The following GOLPH3L variants were observed in gnomAD, a reference collection of about 807,000 sequenced individuals.
GOLPH3L encodes the protein golgi phosphoprotein 3 like.
In GOLPH3L, 22 loss-of-function variants were observed where a neutral mutation model predicts 30.3. That is an observed-to-expected ratio of 0.73 (90% CI 0.52 to 1.04). The LOEUF is 1.04. GOLPH3L is among the 50% of genes least tolerant of loss of function. The probability of loss-of-function intolerance (pLI) is 0.00; values close to 1 mark genes in which losing one functional copy is unlikely to be tolerated. For missense variants in GOLPH3L, 303 were observed against 345.8 expected (o/e 0.88, Z 0.98); for synonymous variants, 120 against 128.2 (o/e 0.94, Z 0.43).
Position 150,648,294 on chromosome 1 carries a change from G to A in GOLPH3L, c.*27C>T. ...TCTCTGACAGTCACCAGCCAGCAGG[G>A]GAAAAGGAGAAATCCACCTGCCGGC... On this transcript the variant is annotated 3_prime_UTR_variant, in exon 5 of 5. Transcript: ENST00000271732. 1 of 1,511,564 alleles carries A rather than the reference G, an allele frequency of 6.6e-7. No individual in the cohort carries two copies. Among genetic ancestry groups the A allele is most frequent in the Non-Finnish European group, 9.0e-7 (1 of 1,108,074 alleles). The allele number at this position is 1,511,564 out of a possible 1,614,324, so 93.6% of individuals were successfully genotyped here. A position where few individuals can be genotyped will look rare whatever the true frequency, so the allele number is the denominator to read the frequency against.
At chr1:150,683,052 A>G (rs587681296) in intron 2 of GOLPH3L, among the ~76,000 whole-genome samples, 1 of 152,330 alleles carries the variant, frequency 6.6e-6, no homozygotes, top group Non-Finnish European at 1.5e-5. Flanking sequence ...GTAGGAAGAT[A>G]AGCGCATCTT....
At chr1:150,684,092 A>ACGC (rs758852276) in intron 2 of GOLPH3L, among the ~76,000 whole-genome samples, 38 of 152,296 alleles carry the variant, frequency 2.5e-4, no homozygotes, top group Non-Finnish European at 5.6e-4. Flanking sequence ...ACACCTAGAG[A>ACGC]CGCCAGGAAG....
intron 2 of GOLPH3L, among the ~76,000 whole-genome samples, chr1:150,665,654 T>A (rs1286137497): frequency 6.6e-6 from 1 of 152,184 alleles, no homozygotes; most frequent in Non-Finnish European, 1.5e-5. Context: ...ACCACTCTTT[T>A]AGTTGTCCAG....
rs587630668 is a variant in GOLPH3L, at chr1:150,669,969, A to G, written c.184-6206T>C. Among the ~76,000 whole-genome samples the G allele has an allele frequency of 3.8e-3, 575 of 151,080 alleles. 3 individuals are homozygous for G. Among genetic ancestry groups the G allele is most frequent in the Middle Eastern group, 0.01 (3 of 292 alleles). On this transcript the variant is annotated intron_variant, in intron 2 of 4. Transcript: ENST00000271732. ...AAGAGCAAAACTCCGTCTCAAAAAA[A>G]AAAACTGCAGGCCCGGCGTGGTCGC... is the stretch of plus-strand genomic sequence containing the variant.
chr1:150,683,129 C>T (rs1650997218), intron 2 of GOLPH3L, among the ~76,000 whole-genome samples: 1 of 152,170 alleles, frequency 6.6e-6, no homozygotes, highest in Non-Finnish European at 1.5e-5. Context: ...AGGCCGGGTG[C>T]AGTGGCTCAT....
chr1:150,688,607 C>T (rs111774312), intron 2 of GOLPH3L, among the ~76,000 whole-genome samples: 58,497 of 151,818 alleles, frequency 0.39, 11,582 homozygotes, highest in South Asian at 0.55. Flanking sequence ...AAAAATTAGC[C>T]GGGGATGGTG....
intron 2 of GOLPH3L, among the ~76,000 whole-genome samples, chr1:150,687,843 G>T (rs941824253): frequency 6.6e-6 from 1 of 152,134 alleles, no homozygotes; most frequent in Non-Finnish European, 1.5e-5. Flanking sequence ...TAGCAGCACT[G>T]TTCATAATGA....
At chr1:150,693,855 T>A (rs1406224981) in intron 2 of GOLPH3L, among the ~76,000 whole-genome samples, 1 of 76,236 alleles carries the variant, frequency 1.3e-5, no homozygotes, top group African/African-American at 6.5e-5. Flanking sequence ...ATATTTTTTT[T>A]TTTTTTTTTT....
intron 2 of GOLPH3L, among the ~76,000 whole-genome samples, chr1:150,664,998 C>T (rs1012681331): frequency 2.6e-5 from 4 of 151,992 alleles, no homozygotes; most frequent in African/African-American, 4.8e-5. Flanking sequence ...AGGGAATATA[C>T]GTATAAGAGA....
At chr1:150,687,017 G>A (rs1262955226) in intron 2 of GOLPH3L, among the ~76,000 whole-genome samples, 1 of 151,978 alleles carries the variant, frequency 6.6e-6, no homozygotes, top group Admixed American at 6.6e-5. Flanking sequence ...TGATACAGTT[G>A]CCCTATTCAC....
chr1:150,685,928 G>A (rs1228244569), intron 2 of GOLPH3L, among the ~76,000 whole-genome samples: 1 of 144,658 alleles, frequency 6.9e-6, no homozygotes, highest in Non-Finnish European at 1.5e-5. Context: ...AGGCTAGAGT[G>A]CAGTGGCGCA....
At chr1:150,687,255 T>C (rs969614492) in intron 2 of GOLPH3L, among the ~76,000 whole-genome samples, 1 of 152,120 alleles carries the variant, frequency 6.6e-6, no homozygotes, top group African/African-American at 2.4e-5. Flanking sequence ...ATCAACAAGT[T>C]GGACACTGAC....
intron 2 of GOLPH3L, among the ~76,000 whole-genome samples, chr1:150,688,619 C>T (rs1651144037): frequency 6.6e-6 from 1 of 152,070 alleles, no homozygotes; most frequent in Non-Finnish European, 1.5e-5. Context: ...GGGATGGTGG[C>T]AGGTGCATGT....
At chr1:150,658,515 C>T (rs2101784290) in intron 4 of GOLPH3L, among the ~76,000 whole-genome samples, 1 of 152,254 alleles carries the variant, frequency 6.6e-6, no homozygotes, top group East Asian at 1.9e-4. Context: ...GCATACCACC[C>T]TCAGAAACCT....
chr1:150,695,286 G>A (rs776002297), intron 1 of GOLPH3L, among the ~76,000 whole-genome samples: 21 of 152,054 alleles, frequency 1.4e-4, no homozygotes, highest in South Asian at 2.1e-4. Flanking sequence ...ACAGGTGTGC[G>A]CCACCATGTC....
At chr1:150,674,752 T>G (rs922412603) in intron 2 of GOLPH3L, among the ~76,000 whole-genome samples, 2 of 151,862 alleles carry the variant, frequency 1.3e-5, no homozygotes, top group African/African-American at 4.8e-5. Flanking sequence ...ATTAGCCAGG[T>G]GTGGTGGCAC....
chr1:150,664,554 A>G (rs587764918), intron 2 of GOLPH3L, among the ~76,000 whole-genome samples: 1 of 152,118 alleles, frequency 6.6e-6, no homozygotes, highest in South Asian at 2.1e-4. Flanking sequence ...CCCAGGTTCA[A>G]GCGATTCTCC....
At chr1:150,664,285 T>C (rs1285292731) in intron 2 of GOLPH3L, among the ~76,000 whole-genome samples, 1 of 152,136 alleles carries the variant, frequency 6.6e-6, no homozygotes, top group East Asian at 1.9e-4. Flanking sequence ...ATTACAGACA[T>C]GAGTGACTGC....
intron 4 of GOLPH3L, among the ~76,000 whole-genome samples, chr1:150,651,617 C>T (rs1002278721): frequency 1.4e-5 from 2 of 143,936 alleles, no homozygotes; most frequent in Non-Finnish European, 3.0e-5. Context: ...CCATTACACT[C>T]CAGCCTCAGC....
Sources: allele counts gnomAD v4.1 joint callset (sites outside exome capture counted in the v4.1 genomes callset), GRCh38; gene constraint gnomAD v4.1.1; transcripts MANE v1.5; gene names NCBI Gene and HGNC (gene_info 2026-07-23, HGNC 2026-07-21).